Variants in SLC39A11 observed in about 807,000 individuals in gnomAD.
SLC39A11 encodes zinc transporter ZIP11.
Under a neutral mutation model 36.1 loss-of-function variants are expected in SLC39A11, and 33 were observed. That is an observed-to-expected ratio of 0.91 (90% CI 0.69 to 1.22). The LOEUF is 1.22. Ranked by LOEUF, SLC39A11 falls within the 50% of genes most tolerant of loss-of-function variation. SLC39A11 has a pLI of 0.00. For missense variants in SLC39A11, 432 were observed against 430.3 expected (o/e 1.00, Z -0.03); for synonymous variants, 166 against 170.3 (o/e 0.97, Z 0.20).
intron 4 of SLC39A11, among the ~76,000 whole-genome samples, chr17:72,993,801 T>C (rs981788665): frequency 2.0e-5 from 3 of 152,068 alleles, no homozygotes; most frequent in African/African-American, 7.2e-5. Flanking sequence ...AATTTAAGAT[T>C]TTTTCCTACC....
intron 4 of SLC39A11, among the ~76,000 whole-genome samples, chr17:73,020,692 T>TTTC (rs753870935): frequency 3.0e-4 from 30 of 100,868 alleles, no homozygotes; most frequent in African/African-American, 1.8e-3. Flanking sequence ...TTTTTTTTTT[T>TTTC]TTTTTTTTTG....
At chr17:72,854,708 C>A (rs926252833) in intron 5 of SLC39A11, among the ~76,000 whole-genome samples, 2 of 152,138 alleles carry the variant, frequency 1.3e-5, no homozygotes, top group African/African-American at 4.8e-5. Context: ...TCTAAGAATT[C>A]ACACAAAGAA....
chr17:73,048,873 G>A (rs2059404543), intron 3 of SLC39A11, among the ~76,000 whole-genome samples: 2 of 152,114 alleles, frequency 1.3e-5, no homozygotes, highest in Non-Finnish European at 2.9e-5. Flanking sequence ...AGAGTTCCTG[G>A]GGAATTTAAG....
At chr17:73,039,794 A>G (rs766533804) in intron 3 of SLC39A11, among the ~76,000 whole-genome samples, 2 of 152,130 alleles carry the variant, frequency 1.3e-5, no homozygotes, top group Non-Finnish European at 2.9e-5. Context: ...GTCAAAGGGG[A>G]CTTTAGGAGA....
At chr17:72,715,478 A>G (rs2073315608) in intron 7 of SLC39A11, among the ~76,000 whole-genome samples, 1 of 152,174 alleles carries the variant, frequency 6.6e-6, no homozygotes, top group Admixed American at 6.5e-5. Flanking sequence ...AAAGGAAGAA[A>G]ATTATGACAC....
intron 3 of SLC39A11, among the ~76,000 whole-genome samples, chr17:73,082,514 GGAAAGA>G (rs2060577925): frequency 6.6e-6 from 1 of 151,230 alleles, no homozygotes; most frequent in Non-Finnish European, 1.5e-5. Flanking sequence ...CATAACATAA[GGAAAGA>G]GAAAATGTGT....
chr17:73,081,795 C>T (rs1011480745), intron 3 of SLC39A11, among the ~76,000 whole-genome samples: 3 of 98,402 alleles, frequency 3.0e-5, no homozygotes, highest in African/African-American at 1.1e-4. Context: ...CTACTACTCA[C>T]CCATAAAAAG....
chr17:72,758,435 T>C (rs1177487787), intron 6 of SLC39A11, among the ~76,000 whole-genome samples: 3 of 152,220 alleles, frequency 2.0e-5, no homozygotes, highest in Non-Finnish European at 2.9e-5. Context: ...TTGTTCGGTA[T>C]TGAAATGTGC....
chr17:72,655,832 C>T (rs2070089409), intron 7 of SLC39A11, among the ~76,000 whole-genome samples: 1 of 152,096 alleles, frequency 6.6e-6, no homozygotes, highest in Admixed American at 6.5e-5. Context: ...GACCCCGTGG[C>T]AGGGATAGTC....
intron 7 of SLC39A11, among the ~76,000 whole-genome samples, chr17:72,651,464 A>G (rs1396322670): frequency 2.0e-5 from 3 of 152,152 alleles, no homozygotes; most frequent in Non-Finnish European, 2.9e-5. Flanking sequence ...TGATGTGGAG[A>G]GCTCTGGAGG....
intron 5 of SLC39A11, among the ~76,000 whole-genome samples, chr17:72,873,990 G>T (rs2080774492): frequency 6.6e-6 from 1 of 152,160 alleles, no homozygotes; most frequent in Non-Finnish European, 1.5e-5. Context: ...GTGAAGAGGT[G>T]CCTTCCACCA....
chr17:73,048,850 T>C (rs538700459), intron 3 of SLC39A11, among the ~76,000 whole-genome samples: 48 of 152,348 alleles, frequency 3.2e-4, no homozygotes, highest in African/African-American at 1.0e-3. Flanking sequence ...CAAACCCCTA[T>C]GATCTAAATG....
At chr17:72,925,658 C>T (rs996103747) in intron 5 of SLC39A11, among the ~76,000 whole-genome samples, 1 of 152,232 alleles carries the variant, frequency 6.6e-6, no homozygotes, top group African/African-American at 2.4e-5. Flanking sequence ...AGCATACTTC[C>T]CTGTACAATG....
At chr17:72,680,944 CTTT>C (rs2071486095) in intron 7 of SLC39A11, among the ~76,000 whole-genome samples, 1 of 152,034 alleles carries the variant, frequency 6.6e-6, no homozygotes, top group Non-Finnish European at 1.5e-5. Context: ...TTTTCGGTTT[CTTT>C]GTTTGTTTTT....
intron 5 of SLC39A11, among the ~76,000 whole-genome samples, chr17:72,871,569 T>C (rs972195827): frequency 2.0e-5 from 3 of 152,020 alleles, no homozygotes; most frequent in African/African-American, 7.3e-5. Flanking sequence ...ATTTAATCCA[T>C]CATGCCTGCA....
chr17:72,789,854 A>G (rs530940529), intron 6 of SLC39A11, among the ~76,000 whole-genome samples: 32 of 152,342 alleles, frequency 2.1e-4, no homozygotes, highest in Non-Finnish European at 4.0e-4. Flanking sequence ...ATCTGAATGA[A>G]TAATTCAGGA....
At chr17:73,057,510 A>G (rs955909017) in intron 3 of SLC39A11, among the ~76,000 whole-genome samples, 3 of 152,178 alleles carry the variant, frequency 2.0e-5, no homozygotes, top group Admixed American at 2.0e-4. Context: ...AAAACAAATA[A>G]AAGTGATTTA....
In SLC39A11 at chr17:72,780,495, C is replaced by T. The variant is rs562184015; in HGVS notation, c.602-43776G>A. On this transcript the variant is annotated intron_variant, in intron 6 of 9. Coordinates refer to ENST00000255559, the MANE Select transcript of SLC39A11 (RefSeq NM_139177.4). ...TTAATTCCACGTCTACTACGTGCAC[C>T]GCACAGTGCTAAGGGCCCTGAAGAT... is the stretch of plus-strand genomic sequence containing the variant. Among the ~76,000 whole-genome samples the T allele has an allele frequency of 8.4e-5, 10 of 119,638 alleles. No homozygotes were observed. The South Asian group carries it at 1.9e-3, about 23-fold the overall frequency. The allele number at this position is 119,638 out of a possible 152,430, so 78.5% of individuals were successfully genotyped here. A position where few individuals can be genotyped will look rare whatever the true frequency, so the allele number is the denominator to read the frequency against.
At chr17:73,061,283 C>A (rs2144237520) in intron 3 of SLC39A11, among the ~76,000 whole-genome samples, 1 of 152,214 alleles carries the variant, frequency 6.6e-6, no homozygotes, top group East Asian at 1.9e-4. Flanking sequence ...CCGTTTCAAC[C>A]CAGAAGGCAG....
Sources: allele counts gnomAD v4.1 joint callset (sites outside exome capture counted in the v4.1 genomes callset), GRCh38; gene constraint gnomAD v4.1.1; transcripts MANE v1.5; gene names NCBI Gene and HGNC (gene_info 2026-07-23, HGNC 2026-07-21).